ANKFN1: variants seen among roughly 807,000 people sequenced by gnomAD.
ANKFN1 encodes the protein ankyrin repeat and fibronectin type-III domain-containing protein 1.
Under a neutral mutation model 108.7 loss-of-function variants are expected in ANKFN1, and 74 were observed. The ratio of observed to expected loss-of-function variants is 0.68; its 90% CI spans 0.56 to 0.83. The LOEUF is 0.83. Among genes scored for constraint, ANKFN1 ranks in the 40% least tolerant of loss-of-function variants. The probability of loss-of-function intolerance (pLI) is 0.00; values close to 1 mark genes in which losing one functional copy is unlikely to be tolerated. For missense variants in ANKFN1, 1,505 were observed against 1,382.3 expected (o/e 1.09, Z -1.41); for synonymous variants, 547 against 516.2 (o/e 1.06, Z -0.81).
chr17:56,479,472 G>C (rs138683322), intron 16 of ANKFN1, among the ~76,000 whole-genome samples: 343 of 152,338 alleles, frequency 2.3e-3, no homozygotes, highest in Non-Finnish European at 3.7e-3. Flanking sequence ...CCAACAGTAT[G>C]CCCAGATTGA....
chr17:56,280,876 T>G (rs1408477654), intron 3 of ANKFN1, among the ~76,000 whole-genome samples: 1 of 152,116 alleles, frequency 6.6e-6, no homozygotes, highest in Non-Finnish European at 1.5e-5. Flanking sequence ...AGGGACCTAG[T>G]GGGAGGTAAT....
chr17:56,082,441 C>CAA (rs369552706), intron 4 of ANKFN1, among the ~76,000 whole-genome samples: 11 of 149,692 alleles, frequency 7.3e-5, no homozygotes, highest in African/African-American at 2.5e-4. Flanking sequence ...CACACACACA[C>CAA]AAAAAAAAAC....
At position 56,511,184 on chromosome 17, in the gene ANKFN1, C is replaced by G. The variant is rs1332176517; in HGVS notation, c.3356C>G (p.Thr1119Ser). 1.3e-6 allele frequency: 2 copies of G among 1,535,908 alleles called. No homozygotes were observed. The highest frequency in any genetic ancestry group is 2.4e-5 in the South Asian group (2 of 84,028). Residue 1119 changes from threonine to serine, a missense_variant, in exon 21 of 21, where the codon ACC becomes AGC. Transcript: ENST00000682825. Reference sequence around the variant, plus strand: ...AGCCCGCCCTCTGGAGGCCGCATCACCCTGCCCAGCCCCACTGGCCCCGAT... The same window carrying G: ...AGCCCGCCCTCTGGAGGCCGCATCAGCCTGCCCAGCCCCACTGGCCCCGAT... Reference protein sequence around the residue: ...SLSPPSGGRITLPSPTGPDVS... With the variant: ...SLSPPSGGRISLPSPTGPDVS...
intron 1 of ANKFN1, among the ~76,000 whole-genome samples, chr17:56,195,976 G>T (rs1913467472): frequency 6.6e-6 from 1 of 152,164 alleles, no homozygotes; most frequent in Admixed American, 6.6e-5. Flanking sequence ...GAGAAAAGAT[G>T]ATATCAAGTA....
At chr17:56,461,863 C>T (rs1290922675) in intron 14 of ANKFN1, among the ~76,000 whole-genome samples, 9 of 152,148 alleles carry the variant, frequency 5.9e-5, no homozygotes, top group South Asian at 2.1e-4. Flanking sequence ...TTGAGGGAAA[C>T]TTTATCTAGC....
chr17:56,360,546 A>C (rs919960318), intron 6 of ANKFN1, among the ~76,000 whole-genome samples: 1 of 152,090 alleles, frequency 6.6e-6, no homozygotes, highest in Admixed American at 6.5e-5. Flanking sequence ...AAAGGACAGC[A>C]CCTCTCTCAT....
intron 10 of ANKFN1, among the ~76,000 whole-genome samples, chr17:56,448,281 A>G (rs890488710): frequency 1.3e-5 from 2 of 152,196 alleles, no homozygotes; most frequent in Non-Finnish European, 2.9e-5. Context: ...ACCTGCTGAA[A>G]AAAAAAACAA....
At chr17:56,132,625 A>T (rs887297038) in intron 4 of ANKFN1, among the ~76,000 whole-genome samples, 5 of 152,172 alleles carry the variant, frequency 3.3e-5, no homozygotes, top group African/African-American at 1.2e-4. Context: ...AATATACTCA[A>T]ATGGGTTGCT....
chr17:56,063,928 G>T (rs983418334), intron 4 of ANKFN1, among the ~76,000 whole-genome samples: 6 of 152,088 alleles, frequency 3.9e-5, no homozygotes, highest in Admixed American at 6.6e-5. Flanking sequence ...ATTTGTGGGT[G>T]ATTTTGTTGT....
At chr17:56,290,314 A>T (rs901960890) in intron 3 of ANKFN1, among the ~76,000 whole-genome samples, 1 of 152,204 alleles carries the variant, frequency 6.6e-6, no homozygotes, top group African/African-American at 2.4e-5. Context: ...GAACTTAAAT[A>T]ACTCATAGGG....
intron 4 of ANKFN1, among the ~76,000 whole-genome samples, chr17:56,096,641 T>A (rs1905540966): frequency 6.6e-6 from 1 of 152,186 alleles, no homozygotes; most frequent in African/African-American, 2.4e-5. Context: ...GAAAAGAGAA[T>A]GTTTATACAC....
At chr17:56,312,294 C>T (rs2045053279) in intron 3 of ANKFN1, among the ~76,000 whole-genome samples, 2 of 152,140 alleles carry the variant, frequency 1.3e-5, no homozygotes, top group Admixed American at 1.3e-4. Flanking sequence ...TGTCTGGCTG[C>T]CAATTCCCAG....
intron 8 of ANKFN1, among the ~76,000 whole-genome samples, chr17:56,426,035 T>C (rs570204003): frequency 6.6e-6 from 1 of 152,370 alleles, no homozygotes; most frequent in South Asian, 2.1e-4. Flanking sequence ...AGCAATTAGC[T>C]TGGAATTGAG....
At chr17:56,205,893 G>C (rs1598235688) in intron 1 of ANKFN1, among the ~76,000 whole-genome samples, 1 of 152,252 alleles carries the variant, frequency 6.6e-6, no homozygotes, top group African/African-American at 2.4e-5. Context: ...CCCTACAGGA[G>C]AAGTAATCAC....
intron 3 of ANKFN1, among the ~76,000 whole-genome samples, chr17:56,269,083 T>C (rs2043727806): frequency 6.6e-6 from 1 of 152,172 alleles, no homozygotes; most frequent in Non-Finnish European, 1.5e-5. Flanking sequence ...CCCATTTGAC[T>C]CAGATTTCTC....
At chr17:56,317,993 C>G (rs2045256902) in intron 3 of ANKFN1, among the ~76,000 whole-genome samples, 1 of 152,150 alleles carries the variant, frequency 6.6e-6, no homozygotes, top group Non-Finnish European at 1.5e-5. Flanking sequence ...TGATAACCAC[C>G]ACCAGGAAAT....
At chr17:56,481,511 C>CAT (rs397719476) in intron 17 of ANKFN1, among the ~76,000 whole-genome samples, 6 of 151,376 alleles carry the variant, frequency 4.0e-5, no homozygotes, top group Non-Finnish European at 7.4e-5. Flanking sequence ...CACACACACA[C>CAT]GCACACACAC....
chr17:56,211,086 T>G (rs1243671462), intron 1 of ANKFN1, among the ~76,000 whole-genome samples: 1 of 152,248 alleles, frequency 6.6e-6, no homozygotes, highest in Non-Finnish European at 1.5e-5. Context: ...TCTTTTGCTG[T>G]GCAGAAGCTT....
At chr17:56,498,211 T>C (rs2051261753) in intron 19 of ANKFN1, among the ~76,000 whole-genome samples, 1 of 152,140 alleles carries the variant, frequency 6.6e-6, no homozygotes, top group African/African-American at 2.4e-5. Flanking sequence ...CCTTACTCTA[T>C]ATGTAAGAAA....
Sources: allele counts gnomAD v4.1 joint callset (sites outside exome capture counted in the v4.1 genomes callset), GRCh38; gene constraint gnomAD v4.1.1; transcripts MANE v1.5; gene names NCBI Gene and HGNC (gene_info 2026-07-23, HGNC 2026-07-21).